AKIRIN1: variants seen among roughly 807,000 people sequenced by gnomAD.
AKIRIN1 encodes the protein akirin-1.
A neutral mutation model predicts 25.9 loss-of-function variants in AKIRIN1; 4 were observed. That is an observed-to-expected ratio of 0.15 (90% CI 0.08 to 0.35). The LOEUF (loss-of-function observed/expected upper bound fraction) is 0.35. Among genes scored for constraint, AKIRIN1 ranks in the 10% least tolerant of loss-of-function variants. The probability of loss-of-function intolerance (pLI) is 1.00; values close to 1 mark genes in which losing one functional copy is unlikely to be tolerated. For synonymous variants in AKIRIN1, 125 were observed against 105.1 expected (o/e 1.19, Z -1.16); for missense variants, 243 against 266.1 (o/e 0.91, Z 0.61).
At chr1:38,993,321 G>C (rs1350802504) in intron 1 of AKIRIN1, among the ~76,000 whole-genome samples, 1 of 151,948 alleles carries the variant, frequency 6.6e-6, no homozygotes, top group Non-Finnish European at 1.5e-5. Context: ...GGCCATGGTG[G>C]GTGGATCAAG....
Position 38,991,594 on chromosome 1 carries a change from A to G in AKIRIN1, c.214A>G (p.Thr72Ala), listed in dbSNP as rs1570968751. ...APPGSERRLP[T>A]PEQIFQNIKQ... ...GCCCGGCAGCGAGCGGCGCCTTCCA[A>G]CTCCGGGTAACCTGCCCTGCTCTGG... The change falls in exon 1 of 5, where the codon ACT (threonine) becomes GCT (alanine). Residue 72 changes from threonine to alanine, a missense_variant. Thr to Ala is a moderately conservative substitution (Grantham distance 58). This residue lies in a region of AKIRIN1 where 190 missense variants were observed against 174.4 expected (regional missense o/e 1.09). Coordinates refer to ENST00000432648, the MANE Select transcript of AKIRIN1 (RefSeq NM_024595.3). 1 of 1,092,380 alleles carries G rather than the reference A, an allele frequency of 9.2e-7. No homozygotes were observed. Among genetic ancestry groups the G allele is most frequent in the East Asian group, 8.8e-5 (1 of 11,420 alleles). The allele number at this position is 1,092,380 out of a possible 1,614,324, so 67.7% of individuals were successfully genotyped here.
Position 38,991,336 on chromosome 1 carries a change from G to A in AKIRIN1, c.-45G>A, listed in dbSNP as rs778102962. The A allele has an allele frequency of 3.8e-6, 5 of 1,325,036 alleles. No individual in the cohort carries two copies. The highest frequency in any genetic ancestry group is 3.9e-6 in the Non-Finnish European group (4 of 1,038,002). 82.1% of individuals were successfully genotyped at this position (1,325,036 alleles called of 1,614,324 possible). A position where few individuals can be genotyped will look rare whatever the true frequency, so the allele number is the denominator to read the frequency against. ...GCCCGGCTGAGGAGCCTCTTGGGCC[G>A]CACTTACCGCCGCGTCCGCTCCCGG... On this transcript the variant is annotated 5_prime_UTR_variant, in exon 1 of 5. Coordinates refer to ENST00000432648, the MANE Select transcript of AKIRIN1 (RefSeq NM_024595.3).
At position 39,004,329 on chromosome 1, in the gene AKIRIN1, T is replaced by C. The variant is rs536186747; in HGVS notation, c.*274T>C. 3.2e-4 allele frequency: 192 copies of C among 608,250 alleles called. No homozygotes were observed. The highest frequency in any genetic ancestry group is 2.4e-3 in the South Asian group (144 of 59,054). The allele number at this position is 608,250 out of a possible 1,614,324, so 37.7% of individuals were successfully genotyped here. A position where few individuals can be genotyped will look rare whatever the true frequency, so the allele number is the denominator to read the frequency against. ...CCTGGAGCAGCAGTTTAGCAAAATA[T>C]GCCTTCAGTGGCATTCAACAAATGG... On this transcript the variant is annotated 3_prime_UTR_variant, in exon 5 of 5. Transcript: ENST00000432648.
rs1161356793 is a variant in AKIRIN1, at chr1:39,004,105, T to G, written c.*50T>G. ...AGGTTTGACCTCAAGAGATGGCTGCTGTACACTTTTTGCAACTGGTTTGAT... is the reference window on the plus strand; with the variant it reads ...AGGTTTGACCTCAAGAGATGGCTGCGGTACACTTTTTGCAACTGGTTTGAT... On this transcript the variant is annotated 3_prime_UTR_variant, in exon 5 of 5. Coordinates refer to ENST00000432648, the MANE Select transcript of AKIRIN1 (RefSeq NM_024595.3). 2 of 1,589,742 alleles carry G rather than the reference T, an allele frequency of 1.3e-6. No homozygotes were observed. Among genetic ancestry groups the G allele is most frequent in the South Asian group, 2.2e-5 (2 of 90,542 alleles).
At chr1:38,998,873 C>CAA (rs397860789) in intron 2 of AKIRIN1, among the ~76,000 whole-genome samples, 21 of 137,196 alleles carry the variant, frequency 1.5e-4, no homozygotes, top group Admixed American at 5.8e-4. Flanking sequence ...GTCTCTGTCT[C>CAA]AAAAAAAAAA....
At chr1:39,003,462 G>A (rs1255746013) in intron 4 of AKIRIN1, 44 bp downstream of exon 4, 15 of 1,579,968 alleles carry the variant, frequency 9.5e-6, no homozygotes, top group Non-Finnish European at 1.2e-5. Flanking sequence ...AGTTTCAAGA[G>A]CAAAATTTCT....
In AKIRIN1 at chr1:39,001,073, G is replaced by A. The variant is rs1349430402; in HGVS notation, c.463G>A (p.Glu155Lys). 6.2e-7 allele frequency: 1 copy of A among 1,613,632 alleles called. No homozygotes were observed. Among genetic ancestry groups the A allele is most frequent in the South Asian group, 1.1e-5 (1 of 91,002 alleles). ...LKDYEDKIRE[E>K]YEQILNTKLA... ...AGACTATGAAGATAAAATTCGGGAG[G>A]AGTATGAGCAAATCCTCAATACCAA... The change falls in exon 3 of 5, where the codon GAG becomes AAG. Residue 155 changes from glutamate to lysine, a missense_variant. By Grantham distance (56) the Glu-to-Lys change is moderately conservative. Coordinates refer to ENST00000432648, the MANE Select transcript of AKIRIN1 (RefSeq NM_024595.3).
intron 3 of AKIRIN1, among the ~76,000 whole-genome samples, chr1:39,002,054 T>A (rs1476703844): frequency 6.6e-6 from 1 of 152,208 alleles, no homozygotes; most frequent in African/African-American, 2.4e-5. Context: ...TAGGAAATAG[T>A]ACCTGTTTAG....
In AKIRIN1 at chr1:39,004,226, G is replaced by T; in HGVS notation, c.*171G>T. On this transcript the variant is annotated 3_prime_UTR_variant, in exon 5 of 5. Coordinates refer to ENST00000432648, the MANE Select transcript of AKIRIN1 (RefSeq NM_024595.3). ...TGAAAGACCGTAAAACTTTCTGGTT[G>T]CCACAAGCATATCTTTCTTTTCTGC... The T allele has an allele frequency of 1.3e-6, 1 of 754,168 alleles. No homozygotes were observed. 46.7% of individuals were successfully genotyped at this position (754,168 alleles called of 1,614,324 possible).
In AKIRIN1 at chr1:38,995,498, A is replaced by G. The variant is rs918525872; in HGVS notation, c.221-2673A>G. 3.9e-5 allele frequency among the ~76,000 whole-genome samples: 6 copies of G among 152,324 alleles called. No individual in the cohort carries two copies. In the South Asian group the frequency reaches 8.3e-4, roughly 21 times the overall value. ...TTGTGCTTTATATGGCCTTCTACAG[A>G]AGAAAATCATGTCTAACTTTCTTAT... On this transcript the variant is annotated intron_variant, in intron 1 of 4. Coordinates refer to ENST00000432648, the MANE Select transcript of AKIRIN1 (RefSeq NM_024595.3).
Position 38,991,573 on chromosome 1 carries a change from G to A in AKIRIN1, c.193G>A (p.Gly65Ser), listed in dbSNP as rs866168713. The A allele has an allele frequency of 7.4e-7, 1 of 1,353,922 alleles. No individual in the cohort carries two copies. The highest frequency in any genetic ancestry group is 9.5e-7 in the Non-Finnish European group (1 of 1,054,862). The allele number at this position is 1,353,922 out of a possible 1,614,324, so 83.9% of individuals were successfully genotyped here. ...PQSLQQPAPPGSERRLPTPEQ... is the reference protein window; with the variant it reads ...PQSLQQPAPPSSERRLPTPEQ... ...GAGTCTGCAGCAGCCCGCCCCGCCC[G>A]GCAGCGAGCGGCGCCTTCCAACTCC... The change falls in exon 1 of 5, where the codon GGC (glycine) becomes AGC (serine). Residue 65 changes from glycine to serine, a missense_variant. Gly to Ser is a moderately conservative substitution (Grantham distance 56). This residue lies in a region of AKIRIN1 where 190 missense variants were observed against 174.4 expected (regional missense o/e 1.09). Coordinates refer to ENST00000432648, the MANE Select transcript of AKIRIN1 (RefSeq NM_024595.3).
At chr1:39,001,145 T>C in intron 3 of AKIRIN1, 39 bp downstream of exon 3, 1 of 1,566,960 alleles carries the variant, frequency 6.4e-7, no homozygotes, top group Non-Finnish European at 8.6e-7. Context: ...ATTAACAGGG[T>C]TCAGTTAAAA....
intron 2 of AKIRIN1, among the ~76,000 whole-genome samples, chr1:38,999,392 G>A (rs77655070): frequency 0.11 from 17,188 of 152,268 alleles, 1,213 homozygotes; most frequent in Non-Finnish European, 0.15. Context: ...TCTGGAACTA[G>A]AAGTGGTGGT....
At chr1:39,002,457 G>T (rs1377457581) in intron 3 of AKIRIN1, among the ~76,000 whole-genome samples, 1 of 152,150 alleles carries the variant, frequency 6.6e-6, no homozygotes, top group Non-Finnish European at 1.5e-5. Flanking sequence ...TAGGCCGGGC[G>T]CAGTGGCTCA....
Position 38,998,232 on chromosome 1 carries a change from AGTT to A in AKIRIN1, c.286_288del (p.Val96del), listed in dbSNP as rs1461282829. ...GTTATCAGAGGTGGAGACATTTAGA[AGTT>A]GTTCTTAATCAGAGTGAAGCTTGTG... On this transcript the variant is annotated inframe_deletion, in exon 2 of 5. Transcript: ENST00000432648. 1.9e-6 allele frequency: 3 copies of A among 1,613,922 alleles called. No individual in the cohort carries two copies. The African/African-American group carries it at 4.0e-5, about 22-fold the overall frequency.
intron 1 of AKIRIN1, among the ~76,000 whole-genome samples, chr1:38,997,208 C>G (rs1261068165): frequency 6.6e-6 from 1 of 151,900 alleles, no homozygotes; most frequent in Admixed American, 6.6e-5. Context: ...TAGGTACAAA[C>G]AAAGAACTTG....
rs1457642322 is a variant in AKIRIN1 at position 38,998,309 on chromosome 1, C to T, written c.359C>T (p.Pro120Leu). The change falls in exon 2 of 5, where the codon CCA becomes CTA. Residue 120 changes from proline (P) to leucine (L), a missense_variant and splice_region_variant. By Grantham distance (98) the Pro-to-Leu change is moderately conservative. Transcript: ENST00000432648. ...TCAGCACTCACAGCACCTAGCTCTC[C>T]AGGTAAGCCCACTTTGATCTGCAAA... ...HSSALTAPSS[P>L]GSSWMKKDQP... 6.3e-7 allele frequency: 1 copy of T among 1,598,470 alleles called. No individual in the cohort carries two copies. The highest frequency in any genetic ancestry group is 2.2e-5 in the East Asian group (1 of 44,638).
At chr1:38,993,472 T>C (rs1303297940) in intron 1 of AKIRIN1, among the ~76,000 whole-genome samples, 6 of 150,440 alleles carry the variant, frequency 4.0e-5, no homozygotes, top group African/African-American at 1.5e-4. Flanking sequence ...AAAAAAAAAG[T>C]TATTTTTGTT....
intron 4 of AKIRIN1, among the ~76,000 whole-genome samples, 169 bp downstream of exon 4, chr1:39,003,587 A>G (rs1359423472): frequency 6.6e-6 from 1 of 152,218 alleles, no homozygotes; most frequent in Admixed American, 6.5e-5. Context: ...CAGTGACCCT[A>G]TGAGGGAGTA....
Sources: gnomAD v4.1 joint callset for allele counts (sites outside exome capture counted in the v4.1 genomes callset) on GRCh38, gnomAD v4.1.1 for gene constraint, gnomAD v4.1.1 regional missense constraint, MANE v1.5 for transcripts, NCBI Gene and HGNC (gene_info 2026-07-23, HGNC 2026-07-21) for gene names.